SPAG1: variants seen among roughly 807,000 people sequenced by gnomAD.
SPAG1 encodes the protein sperm-associated antigen 1.
Under a neutral mutation model 100.5 loss-of-function variants are expected in SPAG1, and 69 were observed. That is an observed-to-expected ratio of 0.69 (90% CI 0.57 to 0.84). SPAG1 has a LOEUF of 0.84. Ranked by LOEUF, SPAG1 falls within the 40% of genes least tolerant of loss-of-function variation. The pLI is 0.00. For synonymous variants in SPAG1, 336 were observed against 411.6 expected (o/e 0.82, Z 2.22); for missense variants, 955 against 1,133.1 (o/e 0.84, Z 2.26).
rs187404121 is a variant in SPAG1, at chr8:100,186,866, A to G, written c.702-254A>G. Reference sequence around the variant, plus strand: ...GTCCAAATATCTTCTTCTTATAAGGAAACCATTTTTATGGGATCTGGGCCC... The same window carrying G: ...GTCCAAATATCTTCTTCTTATAAGGGAACCATTTTTATGGGATCTGGGCCC... On this transcript the variant is annotated intron_variant, in intron 7 of 18. Transcript: ENST00000388798. Among the ~76,000 whole-genome samples, 67 of 152,168 alleles carry G rather than the reference A, an allele frequency of 4.4e-4. No homozygotes were observed. In the Middle Eastern group the frequency reaches 0.014, roughly 31 times the overall value.
At chr8:100,179,413 C>T (rs1054848669) in intron 4 of SPAG1, among the ~76,000 whole-genome samples, 4 of 151,924 alleles carry the variant, frequency 2.6e-5, no homozygotes, top group Admixed American at 6.6e-5. Context: ...ATAATAGTCC[C>T]GGTGTACTAA....
intron 14 of SPAG1, among the ~76,000 whole-genome samples, chr8:100,226,568 G>A (rs1394217986): frequency 1.3e-5 from 2 of 152,096 alleles, no homozygotes; most frequent in African/African-American, 4.8e-5. Flanking sequence ...GCCAAGCGTG[G>A]TGGTGCATGC....
At chr8:100,234,039 C>A (rs1010833313) in intron 16 of SPAG1, among the ~76,000 whole-genome samples, 1 of 152,166 alleles carries the variant, frequency 6.6e-6, no homozygotes, top group African/African-American at 2.4e-5. Flanking sequence ...CCATTCTTCT[C>A]TAAGAAAACC....
chr8:100,162,659 TAGG>T (rs1199189024), intron 2 of SPAG1, among the ~76,000 whole-genome samples: 7 of 152,180 alleles, frequency 4.6e-5, no homozygotes, highest in Non-Finnish European at 1.0e-4. Context: ...CTACATTTTC[TAGG>T]AGAAGGTAAA....
At chr8:100,193,985 G>A (rs1488991190) in intron 9 of SPAG1, 127 bp from the exon 10 acceptor site, 1 of 746,508 alleles carries the variant, frequency 1.3e-6, no homozygotes, top group Non-Finnish European at 1.9e-6. Context: ...ACAATCAAAG[G>A]CCACCAAAAA....
At chr8:100,199,960 T>TA (rs1817201427) in intron 10 of SPAG1, among the ~76,000 whole-genome samples, 1 of 152,036 alleles carries the variant, frequency 6.6e-6, no homozygotes, top group Admixed American at 6.5e-5. Flanking sequence ...CTTTTTTTTT[T>TA]ATTATACTTT....
intron 7 of SPAG1, among the ~76,000 whole-genome samples, chr8:100,185,910 T>C (rs1220426675): frequency 6.6e-6 from 1 of 152,192 alleles, no homozygotes; most frequent in Non-Finnish European, 1.5e-5. Flanking sequence ...CTTTCTTTTC[T>C]TGTAGGTTTA....
chr8:100,192,879 C>T (rs1347726223), intron 9 of SPAG1, among the ~76,000 whole-genome samples: 1 of 152,174 alleles, frequency 6.6e-6, no homozygotes, highest in Non-Finnish European at 1.5e-5. Flanking sequence ...TGCACGCCAC[C>T]TCCCAAAGTG....
intron 3 of SPAG1, among the ~76,000 whole-genome samples, chr8:100,170,845 A>ATTTT (rs202206948): frequency 0.032 from 4,220 of 131,346 alleles, 228 homozygotes; most frequent in African/African-American, 0.13. Flanking sequence ...TTATTTATTT[A>ATTTT]TTTATTTTTT....
In SPAG1 at chr8:100,217,196, C is replaced by T. The variant is rs559468542; in HGVS notation, c.1536-3083C>T. Reference sequence around the variant, plus strand: ...CCTCAAGTGATCCACCTGGTTTGGCCTCCCAAAGTGCTGGGATTACAGGGA... The same window carrying T: ...CCTCAAGTGATCCACCTGGTTTGGCTTCCCAAAGTGCTGGGATTACAGGGA... On this transcript the variant is annotated intron_variant, in intron 12 of 18. Transcript: ENST00000388798. 4.6e-4 allele frequency among the ~76,000 whole-genome samples: 70 copies of T among 152,136 alleles called. 1 individual carries two copies. Among genetic ancestry groups the T allele is most frequent in the African/African-American group, 1.5e-3 (64 of 41,512 alleles).
rs141365826 is a variant in SPAG1 at position 100,216,931 on chromosome 8, C to CTTT, written c.1535+3034_1535+3036dup. ...TGCTCTTTGGAGAGTTCCATGAGTT[C>CTTT]TTTTTTTTTTTTTTTTTTTTTTTGA... On this transcript the variant is annotated intron_variant, in intron 12 of 18. Transcript: ENST00000388798. Among the ~76,000 whole-genome samples, 50 of 84,138 alleles carry CTTT rather than the reference C, an allele frequency of 5.9e-4. 1 individual carries two copies. Among genetic ancestry groups the CTTT allele is most frequent in the South Asian group, 9.1e-4 (2 of 2,206 alleles). The allele number at this position is 84,138 out of a possible 152,430, so 55.2% of individuals were successfully genotyped here.
At chr8:100,165,102 CATT>C (rs1815489770) in intron 2 of SPAG1, 4 of 353,436 alleles carry the variant, frequency 1.1e-5, no homozygotes, top group South Asian at 6.9e-5. Flanking sequence ...AGATGAGTCT[CATT>C]ATTCATTGAC....
chr8:100,211,569 G>A (rs1277764038), intron 10 of SPAG1, among the ~76,000 whole-genome samples: 1 of 152,200 alleles, frequency 6.6e-6, no homozygotes, highest in Non-Finnish European at 1.5e-5. Context: ...GCTAAGGGGA[G>A]GATTGCCTGC....
At chr8:100,215,383 A>G (rs1030353557) in intron 12 of SPAG1, among the ~76,000 whole-genome samples, 1 of 152,170 alleles carries the variant, frequency 6.6e-6, no homozygotes, top group Non-Finnish European at 1.5e-5. Context: ...AGAAGAAGTC[A>G]TGTCCTAGTT....
chr8:100,189,686 C>T (rs1816736268), intron 8 of SPAG1, among the ~76,000 whole-genome samples: 1 of 152,028 alleles, frequency 6.6e-6, no homozygotes, highest in Non-Finnish European at 1.5e-5. Flanking sequence ...AATATGTTAG[C>T]ATTAGGTAAA....
chr8:100,203,484 G>T lies in SPAG1; in HGVS notation c.1096+9216G>T, dbSNP rs185276921. On this transcript the variant is annotated intron_variant, in intron 10 of 18. Transcript: ENST00000388798. ...TGGAGTTGGCTACTTAATATGATTA[G>T]ACCCAAAAATGCTAAGGACTCTACT... Among the ~76,000 whole-genome samples, 69 of 152,208 alleles carry T rather than the reference G, an allele frequency of 4.5e-4. 2 individuals carry two copies. The East Asian group carries it at 0.013, about 28-fold the overall frequency.
At chr8:100,231,406 A>G (rs1458626064) in intron 15 of SPAG1, 118 bp downstream of exon 15, 1 of 669,016 alleles carries the variant, frequency 1.5e-6, no homozygotes, top group Admixed American at 3.1e-5. Context: ...GATGGTTCTA[A>G]GAATTTCTAT....
intron 10 of SPAG1, among the ~76,000 whole-genome samples, chr8:100,201,891 T>C (rs1045386415): frequency 2.6e-5 from 4 of 152,184 alleles, no homozygotes; most frequent in African/African-American, 9.7e-5. Context: ...GTATCCTTTG[T>C]AATAAGCCAT....
At chr8:100,195,633 G>C (rs1450658360) in intron 10 of SPAG1, among the ~76,000 whole-genome samples, 1 of 152,026 alleles carries the variant, frequency 6.6e-6, no homozygotes, top group African/African-American at 2.4e-5. Context: ...AATCTTCTTA[G>C]GGTTTATATT....
Sources: gnomAD v4.1 joint callset for allele counts (sites outside exome capture counted in the v4.1 genomes callset) on GRCh38, gnomAD v4.1.1 for gene constraint, MANE v1.5 for transcripts, NCBI Gene and HGNC (gene_info 2026-07-23, HGNC 2026-07-21) for gene names.